CAMSAP1: variants seen among roughly 807,000 people sequenced by gnomAD.
CAMSAP1 encodes calmodulin regulated spectrin associated protein 1, also known as calmodulin-regulated spectrin-associated protein 1.
CAMSAP1 carries 58 observed loss-of-function variants against 143.5 expected under a neutral mutation model. The observed-to-expected ratio is 0.40, with a 90% CI of 0.33 to 0.50. The LOEUF (loss-of-function observed/expected upper bound fraction) is 0.50, where lower values mean the gene tolerates loss of function less well. Ranked by LOEUF, CAMSAP1 falls within the 20% of genes least tolerant of loss-of-function variation. CAMSAP1 has a pLI of 0.45. For synonymous variants in CAMSAP1, 945 were observed against 859.3 expected (o/e 1.10, Z -1.74); for missense variants, 1,969 against 2,115.7 (o/e 0.93, Z 1.36).
chr9:135,841,789 G>A (rs1318727028), intron 7 of CAMSAP1, among the ~76,000 whole-genome samples: 1 of 152,170 alleles, frequency 6.6e-6, no homozygotes, highest in Non-Finnish European at 1.5e-5. Context: ...GTAACAGAAA[G>A]GAATAGCATC....
chr9:135,830,146 G>A (rs964820382), intron 7 of CAMSAP1, among the ~76,000 whole-genome samples: 3 of 152,058 alleles, frequency 2.0e-5, no homozygotes, highest in Non-Finnish European at 4.4e-5. Context: ...GATAGCAAGA[G>A]ACAAAGACAT....
chr9:135,838,045 A>G (rs1177676579), intron 7 of CAMSAP1, among the ~76,000 whole-genome samples: 2 of 151,454 alleles, frequency 1.3e-5, no homozygotes, highest in Non-Finnish European at 1.5e-5. Flanking sequence ...CTGTACAGAC[A>G]CACGTCATCA....
In CAMSAP1 at chr9:135,826,025, T is replaced by C. The variant is rs1392267781; in HGVS notation, c.1224-1145A>G. 1 of 152,142 alleles carries C rather than the reference T, an allele frequency of 6.6e-6. No homozygotes were observed. Among genetic ancestry groups the C allele is most frequent in the Non-Finnish European group, 1.5e-5 (1 of 68,076 alleles). The allele number at this position is 152,142 out of a possible 1,614,324, so 9.4% of individuals were successfully genotyped here. On this transcript the variant is annotated intron_variant, in intron 8 of 16. Coordinates refer to ENST00000389532, the MANE Select transcript of CAMSAP1 (RefSeq NM_015447.4). The surrounding 1 kb of genome is among the most constrained non-coding windows in gnomAD (Gnocchi z 4.4). ...TGCAAACCCTGCAGCCTGGACACCG[T>C]GGGGACAGTGGACCCATCACGGCAC...
intron 5 of CAMSAP1, among the ~76,000 whole-genome samples, chr9:135,859,380 T>C (rs1837091916): frequency 6.6e-6 from 1 of 152,194 alleles, no homozygotes; most frequent in Admixed American, 6.5e-5. Flanking sequence ...CATTTCTCCT[T>C]GTAACTCTGC....
chr9:135,888,214 G>A (rs546351680), intron 1 of CAMSAP1, among the ~76,000 whole-genome samples: 9 of 152,376 alleles, frequency 5.9e-5, no homozygotes, highest in South Asian at 4.1e-4. Context: ...TGCGCCAGCT[G>A]AGCATAAGCT....
intron 7 of CAMSAP1, among the ~76,000 whole-genome samples, chr9:135,838,382 T>C (rs1836197674): frequency 1.4e-5 from 2 of 142,636 alleles, no homozygotes; most frequent in Admixed American, 1.4e-4. Context: ...ATCACGCACT[T>C]TCCACCCGTT....
At chr9:135,890,675 G>C (rs527872322) in intron 1 of CAMSAP1, among the ~76,000 whole-genome samples, 1 of 152,310 alleles carries the variant, frequency 6.6e-6, no homozygotes, top group East Asian at 1.9e-4. Flanking sequence ...CCAGGGCCTC[G>C]CGTGGGGTGA....
At chr9:135,895,827 T>C (rs1045225853) in intron 1 of CAMSAP1, among the ~76,000 whole-genome samples, 1 of 152,212 alleles carries the variant, frequency 6.6e-6, no homozygotes, top group Non-Finnish European at 1.5e-5. Flanking sequence ...CAGTAAACTG[T>C]TGTAAGTCAC....
At position 135,818,987 on chromosome 9, in the gene CAMSAP1, T is replaced by A. The variant is rs1166624708; in HGVS notation, c.3959+23A>T. The A allele has an allele frequency of 3.7e-6, 6 of 1,601,852 alleles. No homozygotes were observed. The Admixed American group carries it at 5.0e-5, about 13-fold the overall frequency. ...CCACCAGGCTCCTGCTCAGTCTGCT[T>A]TCCCCCCCGGCGGGACGCTTACCGG... On this transcript the variant is annotated intron_variant, in intron 12 of 16. Coordinates refer to ENST00000389532, the MANE Select transcript of CAMSAP1 (RefSeq NM_015447.4). The surrounding 1 kb of genome is among the most constrained non-coding windows in gnomAD (Gnocchi z 7.7).
chr9:135,829,045 G>A (rs1316717942), intron 7 of CAMSAP1, among the ~76,000 whole-genome samples: 2 of 152,176 alleles, frequency 1.3e-5, no homozygotes, highest in African/African-American at 4.8e-5. Flanking sequence ...TGCCTTCCAA[G>A]AATGGCTAAA....
rs751251181 is a variant in CAMSAP1 at position 135,817,967 on chromosome 9, G to T, written c.4271+10C>A. ...CAGCCCCGTGCCGGCGGCCGTCTCA[G>T]GCCCCTTACCGCTGAGAGGGTGTGC... is the stretch of plus-strand genomic sequence containing the variant. On this transcript the variant is annotated intron_variant, in intron 14 of 16. Transcript: ENST00000389532. 1 of 1,613,454 alleles carries T rather than the reference G, an allele frequency of 6.2e-7. No homozygotes were observed. The highest frequency in any genetic ancestry group is 1.1e-5 in the South Asian group (1 of 91,066).
In CAMSAP1 at chr9:135,877,835, GACA is replaced by G. The variant is rs1257736305; in HGVS notation, c.585+3795_585+3797del. On this transcript the variant is annotated intron_variant, in intron 3 of 16. Coordinates refer to ENST00000389532, the MANE Select transcript of CAMSAP1 (RefSeq NM_015447.4). ...CCAAAAAAACAAAAAGAGAGAAAGAGACAACAACAACAACTGGCTGGGCATCAA... is the reference window on the plus strand; with the variant it reads ...CCAAAAAAACAAAAAGAGAGAAAGAGACAACAACAACTGGCTGGGCATCAA... 5.3e-5 allele frequency among the ~76,000 whole-genome samples: 8 copies of G among 151,980 alleles called. No homozygotes were observed. The South Asian group carries it at 6.2e-4, about 12-fold the overall frequency.
At chr9:135,851,176 C>T (rs113553768) in intron 5 of CAMSAP1, among the ~76,000 whole-genome samples, 174 of 152,312 alleles carry the variant, frequency 1.1e-3, no homozygotes, top group Non-Finnish European at 2.1e-3. Context: ...GCGGAGAGCA[C>T]GGTGCAGCTC....
At chr9:135,887,638 C>T (rs534501921) in intron 1 of CAMSAP1, among the ~76,000 whole-genome samples, 40 of 152,142 alleles carry the variant, frequency 2.6e-4, no homozygotes, top group African/African-American at 9.4e-4. Flanking sequence ...AGGGTACAGA[C>T]GCAGGGAAGG....
chr9:135,827,540 T>C lies in CAMSAP1; in HGVS notation c.1090A>G (p.Ile364Val). 6.2e-7 allele frequency: 1 copy of C among 1,612,088 alleles called. No homozygotes were observed. Among genetic ancestry groups the C allele is most frequent in the Non-Finnish European group, 8.5e-7 (1 of 1,178,426 alleles). Reference protein sequence around the residue: ...HQKSSRPPVPISNATKRSFLG... With the variant: ...HQKSSRPPVPVSNATKRSFLG... ...AAACTGCGTTTGGTCGCGTTGGAGA[T>C]CGGTACAGGAGGCCGGCTGCTCTTC... Residue 364 changes from isoleucine to valine, a missense_variant, in exon 8 of 17, where the codon ATC becomes GTC. Physicochemically the swap from Ile to Val is conservative, Grantham distance 29 (BLOSUM62 3). Coordinates refer to ENST00000389532, the MANE Select transcript of CAMSAP1 (RefSeq NM_015447.4).
At chr9:135,841,124 T>C (rs1415440759) in intron 7 of CAMSAP1, among the ~76,000 whole-genome samples, 3 of 152,134 alleles carry the variant, frequency 2.0e-5, no homozygotes, top group East Asian at 3.9e-4. Context: ...GCCAGCACAG[T>C]AGTCTGAAGT....
At chr9:135,833,550 A>C (rs1461155980) in intron 7 of CAMSAP1, among the ~76,000 whole-genome samples, 1 of 152,218 alleles carries the variant, frequency 6.6e-6, no homozygotes, top group East Asian at 1.9e-4. Flanking sequence ...TGCCAAAAAT[A>C]CACCATGGGG....
chr9:135,870,353 C>T (rs114541164), intron 3 of CAMSAP1, among the ~76,000 whole-genome samples: 2,074 of 152,292 alleles, frequency 0.014, 49 homozygotes, highest in African/African-American at 0.048. Flanking sequence ...CTTCCCCTTC[C>T]GCCATGATTG....
chr9:135,853,727 T>C (rs1836857191), intron 5 of CAMSAP1, among the ~76,000 whole-genome samples: 1 of 152,236 alleles, frequency 6.6e-6, no homozygotes, highest in South Asian at 2.1e-4. Flanking sequence ...AGGGCAGCCC[T>C]GGCTACGGCT....
Sources: gnomAD v4.1 joint callset for allele counts (sites outside exome capture counted in the v4.1 genomes callset) on GRCh38, gnomAD v4.1.1 for gene constraint, Gnocchi (gnomAD v3.1) non-coding constraint, MANE v1.5 for transcripts, NCBI Gene and HGNC (gene_info 2026-07-23, HGNC 2026-07-21) for gene names.